Variants in SLC45A2 observed in about 807,000 individuals in gnomAD.
SLC45A2 encodes the protein membrane-associated transporter protein.
In SLC45A2, 36 loss-of-function variants were observed where a neutral mutation model predicts 45.5. That is an observed-to-expected ratio of 0.79 (90% CI 0.61 to 1.04). The LOEUF (loss-of-function observed/expected upper bound fraction) is 1.04. Ranked by LOEUF, SLC45A2 falls within the 50% of genes least tolerant of loss-of-function variation. The probability of loss-of-function intolerance (pLI) is 0.00; values close to 1 mark genes in which losing one functional copy is unlikely to be tolerated. For missense variants in SLC45A2, 719 were observed against 671.0 expected (o/e 1.07, Z -0.79); for synonymous variants, 306 against 269.3 (o/e 1.14, Z -1.33).
At position 33,944,752 on chromosome 5, in the gene SLC45A2, G is replaced by C; in HGVS notation, c.1489C>G (p.Leu497Val). 1 of 1,614,210 alleles carries C rather than the reference G, an allele frequency of 6.2e-7. No individual in the cohort carries two copies. Among genetic ancestry groups the C allele is most frequent in the South Asian group, 1.1e-5 (1 of 91,068 alleles). ...QILVGGGLGF[L>V]VNTAGTVVVV... ...ACAACGGTCCCGGCTGTGTTGACCA[G>C]AAAGCCCAGGCCACCTCCGACCAGG... The change falls in exon 7 of 7, where the codon CTG becomes GTG. Residue 497 changes from leucine to valine, a missense_variant. Physicochemically the swap from Leu to Val is conservative, Grantham distance 32. Coordinates refer to ENST00000296589, the MANE Select transcript of SLC45A2 (RefSeq NM_016180.5).
At chr5:33,955,422 A>T (rs1356964106) in intron 3 of SLC45A2, among the ~76,000 whole-genome samples, 1 of 152,184 alleles carries the variant, frequency 6.6e-6, no homozygotes, top group African/African-American at 2.4e-5. Context: ...TGATCTACAG[A>T]ACTGTGAGAT....
chr5:33,979,209 A>C (rs931937747), intron 2 of SLC45A2, among the ~76,000 whole-genome samples: 1 of 152,238 alleles, frequency 6.6e-6, no homozygotes, highest in Non-Finnish European at 1.5e-5. Flanking sequence ...AATACATGTA[A>C]GATGTACATT....
At chr5:33,956,519 T>C (rs572924436) in intron 3 of SLC45A2, among the ~76,000 whole-genome samples, 11 of 152,186 alleles carry the variant, frequency 7.2e-5, no homozygotes, top group Non-Finnish European at 1.5e-4. Context: ...ATTGATAATA[T>C]CTACTTACTA....
In SLC45A2 at chr5:33,984,455, G is replaced by A. The variant is rs1049619183; in HGVS notation, c.129C>T (p.Phe43=). The A allele has an allele frequency of 1.9e-6, 3 of 1,613,620 alleles. No homozygotes were observed. Among genetic ancestry groups the A allele is most frequent in the East Asian group, 2.2e-5 (1 of 44,900 alleles). The change falls in exon 1 of 7, where the codon TTC becomes TTT. Residue 43 remains phenylalanine, a synonymous_variant. Transcript: ENST00000296589. ...CCACCGCGTAGCAGAACTCTCTTCCGAACATGGCCATGCTGTGCATGATGA... is the reference window on the plus strand; with the variant it reads ...CCACCGCGTAGCAGAACTCTCTTCCAAACATGGCCATGCTGTGCATGATGA... ...SRLIMHSMAM[F]GREFCYAVEA...
intron 5 of SLC45A2, among the ~76,000 whole-genome samples, chr5:33,949,315 C>T (rs1250260041): frequency 6.6e-6 from 1 of 152,054 alleles, no homozygotes; most frequent in African/African-American, 2.4e-5. Flanking sequence ...TTGATTCTGC[C>T]CAGAGTGGGT....
chr5:33,964,150 TA>T, intron 2 of SLC45A2, 134 bp from the exon 3 acceptor site: 1 of 892,284 alleles, frequency 1.1e-6, no homozygotes, highest in Non-Finnish European at 1.8e-6. Context: ...GGAAAAGCAA[TA>T]CAGCAAGAGG....
At chr5:33,974,264 A>C (rs923256041) in intron 2 of SLC45A2, among the ~76,000 whole-genome samples, 1 of 152,144 alleles carries the variant, frequency 6.6e-6, no homozygotes, top group African/African-American at 2.4e-5. Flanking sequence ...AGGAGGATAG[A>C]GTTGCCTTTA....
At chr5:33,950,646 A>G (rs2111911943) in intron 5 of SLC45A2, among the ~76,000 whole-genome samples, 1 of 152,304 alleles carries the variant, frequency 6.6e-6, no homozygotes, top group South Asian at 2.1e-4. Flanking sequence ...TGACAGAGTG[A>G]GTCCTCCTGA....
At chr5:33,954,767 G>A (rs940402785) in intron 3 of SLC45A2, among the ~76,000 whole-genome samples, 2 of 152,142 alleles carry the variant, frequency 1.3e-5, no homozygotes, top group African/African-American at 4.8e-5. Flanking sequence ...CTAGCTTCAG[G>A]CCAAGGTGTA....
Position 33,963,817 on chromosome 5 carries a change from G to A in SLC45A2, c.762C>T (p.Thr254=), listed in dbSNP as rs1425729099. Residue 254 remains threonine, a synonymous_variant, in exon 3 of 7, where the codon ACC becomes ACT. Transcript: ENST00000296589. The stretch of plus-strand genomic sequence containing the variant: ...CTGATGACAATGGAGGGTCCTGAGG[G>A]GTTTGCTGTGGGGGAATGCCCTTTG... The part of the protein sequence containing the change: ...EVAKGIPPQQ[T]PQDPPLSSDG... 6.2e-7 allele frequency: 1 copy of A among 1,614,100 alleles called. No homozygotes were observed. The highest frequency in any genetic ancestry group is 8.5e-7 in the Non-Finnish European group (1 of 1,180,030).
chr5:33,967,119 C>G (rs1404810771), intron 2 of SLC45A2, among the ~76,000 whole-genome samples: 2 of 152,190 alleles, frequency 1.3e-5, no homozygotes, highest in Non-Finnish European at 2.9e-5. Context: ...CCCCTAGAAG[C>G]AGAAGATAGC....
chr5:33,946,742 A>C, intron 6 of SLC45A2: 1 of 1,077,428 alleles, frequency 9.3e-7, no homozygotes, highest in Non-Finnish European at 1.1e-6. Context: ...TGTACCTCTG[A>C]AAGTTGGGGA....
intron 2 of SLC45A2, chr5:33,971,051 T>C (rs1205888381): frequency 4.0e-6 from 2 of 498,278 alleles, no homozygotes; most frequent in Admixed American, 2.2e-5. Flanking sequence ...GCTTAAACAA[T>C]TAACTGAAGA....
At chr5:33,946,829 C>G in intron 6 of SLC45A2, 1 of 1,283,310 alleles carries the variant, frequency 7.8e-7, no homozygotes, top group Non-Finnish European at 9.9e-7. Flanking sequence ...TTACAGAAGA[C>G]CTGGGTCCCC....
intron 5 of SLC45A2, among the ~76,000 whole-genome samples, chr5:33,949,826 T>C (rs1752043961): frequency 6.6e-6 from 1 of 152,090 alleles, no homozygotes; most frequent in Non-Finnish European, 1.5e-5. Flanking sequence ...ACAAGACTAA[T>C]GGAATGTTAT....
intron 3 of SLC45A2, among the ~76,000 whole-genome samples, chr5:33,959,744 C>A (rs1234174573): frequency 1.3e-5 from 2 of 152,116 alleles, no homozygotes; most frequent in South Asian, 2.1e-4. Flanking sequence ...TAGAATGAGG[C>A]CTCGTTTCAG....
intron 2 of SLC45A2, chr5:33,971,147 C>T (rs955145885): frequency 1.9e-5 from 10 of 531,228 alleles, no homozygotes; most frequent in South Asian, 1.2e-4. Context: ...AAGCCAGGAA[C>T]AAGAGTTGCT....
chr5:33,975,038 TC>T (rs1485710941), intron 2 of SLC45A2, among the ~76,000 whole-genome samples: 3 of 150,184 alleles, frequency 2.0e-5, no homozygotes, highest in Admixed American at 6.6e-5. Flanking sequence ...AGTGAGAGAC[TC>T]CACTGCACTG....
At position 33,965,437 on chromosome 5, in the gene SLC45A2, T is replaced by C. The variant is rs369596264; in HGVS notation, c.563-1421A>G. 9.2e-5 allele frequency among the ~76,000 whole-genome samples: 14 copies of C among 152,330 alleles called. 2 individuals carry two copies. The highest frequency in any genetic ancestry group is 3.9e-4 in the East Asian group (2 of 5,184). On this transcript the variant is annotated intron_variant, in intron 2 of 6. Coordinates refer to ENST00000296589, the MANE Select transcript of SLC45A2 (RefSeq NM_016180.5). ...TAAGGAGGACCAACAATCTAATCAT[T>C]GGATTCCAAAAATAAAGCATCATTA...
Sources: allele counts gnomAD v4.1 joint callset (sites outside exome capture counted in the v4.1 genomes callset), GRCh38; gene constraint gnomAD v4.1.1; transcripts MANE v1.5; gene names NCBI Gene and HGNC (gene_info 2026-07-23, HGNC 2026-07-21).